ADAM32: variants seen among roughly 807,000 people sequenced by gnomAD.
ADAM32 encodes ADAM metallopeptidase domain 32, also known as disintegrin and metalloproteinase domain-containing protein 32.
ADAM32 carries 89 observed loss-of-function variants against 114.9 expected under a neutral mutation model. The observed-to-expected ratio is 0.77, with a 90% confidence interval of 0.65 to 0.92. The LOEUF (loss-of-function observed/expected upper bound fraction) is 0.92, where lower values mean the gene tolerates loss of function less well. Among genes scored for constraint, ADAM32 ranks in the 40% least tolerant of loss-of-function variants. The probability of loss-of-function intolerance (pLI) is 0.00; values close to 1 mark genes in which losing one functional copy is unlikely to be tolerated. For synonymous variants in ADAM32, 285 were observed against 307.5 expected (o/e 0.93, Z 0.77); for missense variants, 870 against 932.8 (o/e 0.93, Z 0.88).
In ADAM32 at chr8:39,234,144, T is replaced by G. The variant is rs1472319590; in HGVS notation, c.1818+62T>G. ...TATTTATTGTTTTCATCTTTTTATT[T>G]AAGTATCAAATTTTAATTTAGTGCT... On this transcript the variant is annotated intron_variant, in intron 16 of 24. Coordinates refer to ENST00000379907, the MANE Select transcript of ADAM32 (RefSeq NM_145004.7). 3 of 1,147,728 alleles carry G rather than the reference T, an allele frequency of 2.6e-6. No individual in the cohort carries two copies. The East Asian group carries it at 9.4e-5, about 36-fold the overall frequency. The allele number at this position is 1,147,728 out of a possible 1,614,324, so 71.1% of individuals were successfully genotyped here.
At chr8:39,107,994 C>T (rs1588449604) in intron 1 of ADAM32, 161 bp downstream of exon 1, 5 of 944,410 alleles carry the variant, frequency 5.3e-6, no homozygotes, top group East Asian at 3.0e-5. Flanking sequence ...GATGGAGAAG[C>T]GACTCAGGGC....
At chr8:39,122,953 C>T (rs750423765) in intron 2 of ADAM32, among the ~76,000 whole-genome samples, 83 of 152,188 alleles carry the variant, frequency 5.5e-4, no homozygotes, top group Non-Finnish European at 6.2e-4. Context: ...CTTTACCTAA[C>T]CCAAGCTCAC....
intron 16 of ADAM32, among the ~76,000 whole-genome samples, chr8:39,242,470 T>A (rs961006817): frequency 3.3e-5 from 5 of 152,210 alleles, no homozygotes; most frequent in Admixed American, 6.5e-5. Context: ...CAGTTCCACA[T>A]GGCTGGGAAA....
At chr8:39,211,950 T>A (rs1288716577) in intron 12 of ADAM32, among the ~76,000 whole-genome samples, 1 of 152,188 alleles carries the variant, frequency 6.6e-6, no homozygotes, top group Admixed American at 6.5e-5. Context: ...TTTTAATTAC[T>A]GTGTTTTTGT....
At chr8:39,183,042 G>A (rs1054648684) in intron 10 of ADAM32, among the ~76,000 whole-genome samples, 3 of 152,160 alleles carry the variant, frequency 2.0e-5, no homozygotes, top group African/African-American at 7.2e-5. Context: ...AACATCAGGT[G>A]GGGATACTGG....
intron 11 of ADAM32, among the ~76,000 whole-genome samples, chr8:39,197,950 A>G (rs1807120051): frequency 6.6e-6 from 1 of 152,046 alleles, no homozygotes; most frequent in African/African-American, 2.4e-5. Flanking sequence ...ATTGGGGTCT[A>G]TTTCTCTGTT....
intron 10 of ADAM32, among the ~76,000 whole-genome samples, chr8:39,180,441 C>T (rs978183429): frequency 6.6e-6 from 1 of 152,246 alleles, no homozygotes; most frequent in Non-Finnish European, 1.5e-5. Context: ...GCGGCCCGAG[C>T]CTCCCCGACG....
chr8:39,226,345 CT>C (rs763918774), intron 14 of ADAM32, among the ~76,000 whole-genome samples: 5 of 151,934 alleles, frequency 3.3e-5, no homozygotes, highest in Non-Finnish European at 5.9e-5. Context: ...TAACTGAAAA[CT>C]TCCAAAATCT....
chr8:39,247,746 A>G (rs990009387), intron 17 of ADAM32, among the ~76,000 whole-genome samples: 1 of 150,274 alleles, frequency 6.7e-6, no homozygotes, highest in African/African-American at 2.4e-5. Flanking sequence ...TATTGTATCT[A>G]AAAAGTCTAT....
intron 12 of ADAM32, among the ~76,000 whole-genome samples, chr8:39,213,578 C>T (rs1360388276): frequency 6.6e-6 from 1 of 152,104 alleles, no homozygotes; most frequent in African/African-American, 2.4e-5. Flanking sequence ...TTATGGGTTA[C>T]ATGAGATATT....
At chr8:39,180,748 C>T (rs1280844922) in intron 10 of ADAM32, among the ~76,000 whole-genome samples, 2 of 152,154 alleles carry the variant, frequency 1.3e-5, no homozygotes, top group African/African-American at 4.8e-5. Context: ...CACTCTGTAT[C>T]TAGCTGCTCT....
intron 17 of ADAM32, among the ~76,000 whole-genome samples, chr8:39,252,101 G>C: frequency 6.6e-6 from 1 of 151,628 alleles, no homozygotes; most frequent in Non-Finnish European, 1.5e-5. Context: ...CAGTACCATG[G>C]TGATTTGGTT....
At chr8:39,284,383 A>ACACACACACG (rs1387526822) in intron 24 of ADAM32, among the ~76,000 whole-genome samples, 3 of 151,232 alleles carry the variant, frequency 2.0e-5, no homozygotes, top group African/African-American at 4.9e-5. Context: ...ACACGTACAC[A>ACACACACACG]CACACACACA....
At position 39,254,451 on chromosome 8, in the gene ADAM32, G is replaced by C. The variant is rs774811820; in HGVS notation, c.1940G>C (p.Gly647Ala). 4 of 1,602,278 alleles carry C rather than the reference G, an allele frequency of 2.5e-6. No homozygotes were observed. ...DSRNKCHCSP[G>A]YKPPNCQIRS... The stretch of plus-strand genomic sequence containing the variant: ...AGAAACAAGTGCCATTGTTCGCCAG[G>C]CTATAAGCCTCCAAACTGCCAAATA... Residue 647 changes from glycine to alanine, a missense_variant, in exon 18 of 25, where the codon GGC becomes GCC. Physicochemically the swap from Gly to Ala is moderately conservative, Grantham distance 60. Transcript: ENST00000379907.
intron 11 of ADAM32, among the ~76,000 whole-genome samples, chr8:39,204,418 C>T (rs972992170): frequency 3.9e-5 from 6 of 152,292 alleles, no homozygotes; most frequent in East Asian, 1.9e-4. Context: ...TCCAGTTGAT[C>T]GAATCAGCTA....
At chr8:39,138,906 G>T (rs1302061041) in intron 3 of ADAM32, among the ~76,000 whole-genome samples, 1 of 152,172 alleles carries the variant, frequency 6.6e-6, no homozygotes, top group Non-Finnish European at 1.5e-5. Context: ...GTTTTGATTT[G>T]CATTTCTCTG....
chr8:39,188,887 T>C (rs1009242859), intron 11 of ADAM32, among the ~76,000 whole-genome samples: 3 of 152,172 alleles, frequency 2.0e-5, no homozygotes, highest in African/African-American at 7.2e-5. Context: ...CTCTTTTGCA[T>C]ATCCACAGTA....
intron 24 of ADAM32, 88 bp from the exon 25 acceptor site, chr8:39,284,705 C>A: frequency 7.0e-7 from 1 of 1,430,604 alleles, no homozygotes; most frequent in Non-Finnish European, 9.7e-7. Context: ...CATGAATTTT[C>A]CACTTGGCAA....
chr8:39,217,455 C>T (rs1808658314), intron 12 of ADAM32, among the ~76,000 whole-genome samples: 2 of 152,030 alleles, frequency 1.3e-5, no homozygotes, highest in Non-Finnish European at 1.5e-5. Context: ...CTTTCTACCC[C>T]CATCTCTTTA....
Sources: allele counts gnomAD v4.1 joint callset (sites outside exome capture counted in the v4.1 genomes callset), GRCh38; gene constraint gnomAD v4.1.1; transcripts MANE v1.5; gene names NCBI Gene and HGNC (gene_info 2026-07-23, HGNC 2026-07-21).